Variants in DSTN observed in about 807,000 individuals in gnomAD.
DSTN encodes the protein destrin.
DSTN carries 10 observed loss-of-function variants against 16.8 expected under a neutral mutation model. The observed-to-expected ratio is 0.60, with a 90% confidence interval of 0.37 to 1.01. The LOEUF is 1.01. DSTN is among the 50% of genes least tolerant of loss of function. DSTN has a pLI of 0.01. For synonymous variants in DSTN, 57 were observed against 58.9 expected (o/e 0.97, Z 0.14); for missense variants, 141 against 196.7 (o/e 0.72, Z 1.69).
At position 17,589,491 on chromosome 20, in the gene DSTN, C is replaced by T. The variant is rs111458892; in HGVS notation, c.4-11247C>T. Among the ~76,000 whole-genome samples the T allele has an allele frequency of 8.5e-3, 1,301 of 152,312 alleles. 18 individuals are homozygous for T. Among genetic ancestry groups the T allele is most frequent in the African/African-American group, 0.03 (1,242 of 41,554 alleles). Reference sequence around the variant, plus strand: ...AAATTTTGGGATTACAGGCGTGAGCCGCAGCGCCCAGCCAAGTTCCGCATC... The same window carrying T: ...AAATTTTGGGATTACAGGCGTGAGCTGCAGCGCCCAGCCAAGTTCCGCATC... On this transcript the variant is annotated intron_variant, in intron 1 of 3. Transcript: ENST00000246069.
Position 17,583,429 on chromosome 20 carries a change from A to G in DSTN, c.3+13218A>G, listed in dbSNP as rs139611038. Among the ~76,000 whole-genome samples, 1,388 of 152,328 alleles carry G rather than the reference A, an allele frequency of 9.1e-3. 12 individuals are homozygous for G. Among genetic ancestry groups the G allele is most frequent in the Non-Finnish European group, 0.016 (1,055 of 68,038 alleles). ...TTATTATTCATAGTTGCCAAAAGTG[A>G]TAATAACCCAGTGTTCATCAGTTGA... On this transcript the variant is annotated intron_variant, in intron 1 of 3. Transcript: ENST00000246069.
intron 1 of DSTN, among the ~76,000 whole-genome samples, chr20:17,593,073 T>A (rs2035487521): frequency 2.6e-5 from 4 of 152,242 alleles, no homozygotes; most frequent in Non-Finnish European, 4.4e-5. Flanking sequence ...CTTTTCCATC[T>A]CAACCTGGTG....
At chr20:17,588,031 A>G (rs2035430317) in intron 1 of DSTN, among the ~76,000 whole-genome samples, 1 of 152,122 alleles carries the variant, frequency 6.6e-6, no homozygotes, top group African/African-American at 2.4e-5. Flanking sequence ...ACTGTTCCCT[A>G]CTTGCTTTTT....
intron 1 of DSTN, among the ~76,000 whole-genome samples, chr20:17,579,748 T>C (rs749461236): frequency 6.6e-6 from 1 of 152,222 alleles, no homozygotes; most frequent in Non-Finnish European, 1.5e-5. Context: ...TAAAAAGGGA[T>C]TCCTGCCTGA....
chr20:17,571,904 A>C (rs1264674853), intron 1 of DSTN, among the ~76,000 whole-genome samples: 1 of 152,210 alleles, frequency 6.6e-6, no homozygotes, highest in East Asian at 1.9e-4. Flanking sequence ...ATACGCTTCA[A>C]AATTGTTGGC....
chr20:17,570,245 GCGGC>G (rs1367740779), intron 1 of DSTN, 34 bp downstream of exon 1: 1 of 1,485,096 alleles, frequency 6.7e-7, no homozygotes, highest in East Asian at 2.8e-5. Context: ...GTGGGCCGAG[GCGGC>G]CGGGAGCAGT....
intron 1 of DSTN, among the ~76,000 whole-genome samples, chr20:17,593,372 AT>A (rs928836486): frequency 6.6e-6 from 1 of 151,406 alleles, no homozygotes; most frequent in Non-Finnish European, 1.5e-5. Flanking sequence ...CTGATCTTTG[AT>A]TTTTTTTTCA....
chr20:17,596,509 C>A, intron 1 of DSTN: 1 of 495,902 alleles, frequency 2.0e-6, no homozygotes, highest in Non-Finnish European at 2.6e-6. Flanking sequence ...TCTGATACCA[C>A]TCTTTTGTGT....
intron 2 of DSTN, 128 bp from the exon 3 acceptor site, chr20:17,604,427 G>A (rs2035619272): frequency 1.1e-6 from 1 of 939,820 alleles, no homozygotes; most frequent in Non-Finnish European, 1.6e-6. Context: ...AAAATGTGCA[G>A]TTAAGAAAAA....
At chr20:17,605,348 G>T in intron 3 of DSTN, 1 of 338,560 alleles carries the variant, frequency 3.0e-6, no homozygotes, top group South Asian at 2.3e-5. Flanking sequence ...GCTGTAGAAG[G>T]GGAGACTTGG....
intron 2 of DSTN, among the ~76,000 whole-genome samples, chr20:17,601,721 C>T (rs2035589187): frequency 6.6e-6 from 1 of 152,158 alleles, no homozygotes; most frequent in Non-Finnish European, 1.5e-5. Flanking sequence ...GATAGTGAAA[C>T]AGGGCTATAA....
intron 1 of DSTN, among the ~76,000 whole-genome samples, chr20:17,591,447 C>T (rs1341473433): frequency 6.6e-6 from 1 of 151,940 alleles, no homozygotes; most frequent in Non-Finnish European, 1.5e-5. Flanking sequence ...ACAAAAAATG[C>T]TTTGACTTTG....
intron 1 of DSTN, among the ~76,000 whole-genome samples, chr20:17,586,254 G>A (rs1355889802): frequency 2.0e-5 from 3 of 152,138 alleles, no homozygotes; most frequent in East Asian, 1.9e-4. Context: ...TATGCACAGG[G>A]AAACCAAAAA....
rs1427330516 is a variant in DSTN, at chr20:17,600,988, A to G, written c.254A>G (p.Tyr85Cys). ...LPEKDCRYAL[Y>C]DASFETKESR... Reference sequence around the variant, plus strand: ...GAAAAAGATTGTCGCTATGCTTTGTATGATGCAAGCTTTGAAACAAAAGAA... The same window carrying G: ...GAAAAAGATTGTCGCTATGCTTTGTGTGATGCAAGCTTTGAAACAAAAGAA... Residue 85 changes from tyrosine (Y) to cysteine (C), a missense_variant, in exon 2 of 4, where the codon TAT becomes TGT. Coordinates refer to ENST00000246069, the MANE Select transcript of DSTN (RefSeq NM_006870.4). The G allele has an allele frequency of 6.2e-7, 1 of 1,613,040 alleles. No individual in the cohort carries two copies. The highest frequency in any genetic ancestry group is 8.5e-7 in the Non-Finnish European group (1 of 1,179,552).
At chr20:17,601,629 A>ACT (rs2035588333) in intron 2 of DSTN, among the ~76,000 whole-genome samples, 2 of 152,226 alleles carry the variant, frequency 1.3e-5, no homozygotes, top group African/African-American at 4.8e-5. Context: ...GCCACATCTG[A>ACT]CTAGTGGCCA....
At chr20:17,591,819 G>A in intron 1 of DSTN, 1 of 867,708 alleles carries the variant, frequency 1.2e-6, no homozygotes, top group African/African-American at 1.8e-5. Flanking sequence ...GGGATGGATT[G>A]TTACTCTCAT....
rs1257106905 is a variant in DSTN, at chr20:17,607,980, A to G, written c.*834A>G. 1 of 152,184 alleles carries G rather than the reference A, an allele frequency of 6.6e-6. No individual in the cohort carries two copies. Among genetic ancestry groups the G allele is most frequent in the Non-Finnish European group, 1.5e-5 (1 of 68,034 alleles). 9.4% of individuals were successfully genotyped at this position (152,184 alleles called of 1,614,324 possible). On this transcript the variant is annotated 3_prime_UTR_variant, in exon 4 of 4. Transcript: ENST00000246069. ...CCTTCAGAAGTTTGCTTCTTATGGT[A>G]TAATAAAGTATGGAAGAATATTGAG...
At chr20:17,588,632 A>G (rs912722268) in intron 1 of DSTN, among the ~76,000 whole-genome samples, 4 of 152,092 alleles carry the variant, frequency 2.6e-5, no homozygotes, top group Non-Finnish European at 4.4e-5. Flanking sequence ...ATACAAAAAA[A>G]AATTAGCCGG....
chr20:17,578,289 A>T (rs984654706), intron 1 of DSTN, among the ~76,000 whole-genome samples: 5 of 152,252 alleles, frequency 3.3e-5, no homozygotes, highest in African/African-American at 1.2e-4. Flanking sequence ...AATGAACATG[A>T]ATGAGTGAAT....
Sources: allele counts gnomAD v4.1 joint callset (sites outside exome capture counted in the v4.1 genomes callset), GRCh38; gene constraint gnomAD v4.1.1; transcripts MANE v1.5; gene names NCBI Gene and HGNC (gene_info 2026-07-23, HGNC 2026-07-21).